Variants in RBFOX1 observed in about 807,000 individuals in gnomAD.
RBFOX1 encodes RNA binding protein fox-1 homolog 1.
Under a neutral mutation model 57.7 loss-of-function variants are expected in RBFOX1, and 8 were observed. The observed-to-expected ratio is 0.14, with a 90% CI of 0.08 to 0.25. RBFOX1 has a LOEUF of 0.25. RBFOX1 is among the 10% of genes least tolerant of loss of function. The pLI, the probability that RBFOX1 is intolerant of heterozygous loss-of-function variation, is 1.00. For missense variants in RBFOX1, 611 were observed against 548.5 expected (o/e 1.11, Z -1.14); for synonymous variants, 326 against 222.4 (o/e 1.47, Z -4.15).
At chr16:7,424,694 A>G (rs1421053311) in intron 4 of RBFOX1, among the ~76,000 whole-genome samples, 6 of 152,364 alleles carry the variant, frequency 3.9e-5, no homozygotes, top group South Asian at 4.1e-4. Flanking sequence ...GAAATGAAAG[A>G]ACCTATGGAA....
intron 1 of RBFOX1, among the ~76,000 whole-genome samples, chr16:6,299,738 G>T (rs1417114173): frequency 1.3e-5 from 2 of 152,146 alleles, no homozygotes; most frequent in Admixed American, 6.5e-5. Flanking sequence ...CGTGGACTCT[G>T]GCGTCTGCTG....
At chr16:6,385,500 C>T (rs1421212783) in intron 2 of RBFOX1, among the ~76,000 whole-genome samples, 4 of 152,232 alleles carry the variant, frequency 2.6e-5, no homozygotes, top group African/African-American at 7.2e-5. Flanking sequence ...GCTGGGATTA[C>T]AGGCATGCAC....
intron 1 of RBFOX1, among the ~76,000 whole-genome samples, chr16:5,399,593 T>A (rs1596856591): frequency 6.6e-6 from 1 of 152,158 alleles, no homozygotes; most frequent in Middle Eastern, 3.4e-3. Context: ...ATTAGCTGGA[T>A]GTGGTGGTGC....
intron 4 of RBFOX1, among the ~76,000 whole-genome samples, chr16:7,250,773 C>G (rs780734337): frequency 1.3e-5 from 2 of 152,166 alleles, no homozygotes; most frequent in Non-Finnish European, 2.9e-5. Flanking sequence ...TTATGTCATT[C>G]TACCAAAGAA....
Position 6,562,103 on chromosome 16 carries a change from G to A in RBFOX1, c.-63-92500G>A, listed in dbSNP as rs1031326345. On this transcript the variant is annotated intron_variant, in intron 2 of 15. Transcript: ENST00000550418. ...GTTCAGCTGCATTTCTACTGATGTC[G>A]GCTGCATGGGTAGAGAATTAGACTC... Among the ~76,000 whole-genome samples the A allele has an allele frequency of 5.3e-5, 8 of 152,242 alleles. No homozygotes were observed. The South Asian group carries it at 8.3e-4, about 16-fold the overall frequency.
At chr16:6,737,069 T>C (rs903648898) in intron 3 of RBFOX1, among the ~76,000 whole-genome samples, 1 of 152,186 alleles carries the variant, frequency 6.6e-6, no homozygotes, top group Non-Finnish European at 1.5e-5. Context: ...TGTCAGATAC[T>C]TCAGTGGGCA....
At chr16:7,512,467 A>C (rs2075347163) in intron 4 of RBFOX1, among the ~76,000 whole-genome samples, 1 of 152,202 alleles carries the variant, frequency 6.6e-6, no homozygotes. Flanking sequence ...TAAAGTGCAA[A>C]TGTTGGGAAT....
chr16:5,813,783 C>G lies in RBFOX1; in HGVS notation c.319-53520C>G, dbSNP rs550441564. ...TACTATTTGTTAGCTATTGAGATTT[C>G]ATTATTTGGATCCAGTCTCACTGGG... On this transcript the variant is annotated intron_variant, in intron 3 of 19. Coordinates refer to the RBFOX1 transcript ENST00000641259. Among the ~76,000 whole-genome samples the G allele has an allele frequency of 2.0e-5, 3 of 152,298 alleles. No homozygotes were observed. In the South Asian group the frequency reaches 6.2e-4, roughly 32 times the overall value.
chr16:6,202,248 C>T (rs543804653), intron 1 of RBFOX1, among the ~76,000 whole-genome samples: 93 of 152,144 alleles, frequency 6.1e-4, no homozygotes, highest in Non-Finnish European at 1.2e-3. Flanking sequence ...CTCTACTGTT[C>T]TCTTATCTCA....
At chr16:6,561,129 C>G (rs1488391443) in intron 2 of RBFOX1, among the ~76,000 whole-genome samples, 6 of 152,076 alleles carry the variant, frequency 3.9e-5, no homozygotes, top group Admixed American at 6.6e-5. Context: ...ATATTTGTAA[C>G]AAAAAGTAAT....
intron 4 of RBFOX1, among the ~76,000 whole-genome samples, chr16:7,088,643 A>G (rs2060345091): frequency 6.6e-6 from 1 of 152,152 alleles, no homozygotes; most frequent in Admixed American, 6.5e-5. Flanking sequence ...AAAAAATAGT[A>G]ATCTAGCATG....
chr16:6,496,482 C>T (rs2095771835), intron 2 of RBFOX1, among the ~76,000 whole-genome samples: 1 of 152,142 alleles, frequency 6.6e-6, no homozygotes, highest in Non-Finnish European at 1.5e-5. Flanking sequence ...TGGTCTTGCT[C>T]ATACAGAAAC....
At chr16:6,887,538 T>G (rs748037094) in intron 3 of RBFOX1, among the ~76,000 whole-genome samples, 1 of 151,454 alleles carries the variant, frequency 6.6e-6, no homozygotes, top group Non-Finnish European at 1.5e-5. Context: ...TATATCTGTT[T>G]ATAGACACAA....
chr16:6,747,444 TAGTC>T (rs1568445152), intron 3 of RBFOX1, among the ~76,000 whole-genome samples: 2 of 83,384 alleles, frequency 2.4e-5, no homozygotes, highest in African/African-American at 9.1e-5. Context: ...GTCAGTCAGT[TAGTC>T]TGTCTGTCTG....
intron 3 of RBFOX1, among the ~76,000 whole-genome samples, chr16:6,787,329 A>G (rs1437697235): frequency 1.3e-5 from 2 of 152,332 alleles, no homozygotes; most frequent in East Asian, 1.9e-4. Context: ...GTATTCATCA[A>G]TAACAGCACA....
intron 2 of RBFOX1, among the ~76,000 whole-genome samples, chr16:6,325,842 T>G (rs1218195231): frequency 6.6e-6 from 1 of 152,222 alleles, no homozygotes; most frequent in Non-Finnish European, 1.5e-5. Context: ...ATATGCCTAG[T>G]TTCTTTTGAA....
intron 3 of RBFOX1, among the ~76,000 whole-genome samples, chr16:6,830,707 G>T (rs1262527175): frequency 6.6e-6 from 1 of 152,136 alleles, no homozygotes; most frequent in Non-Finnish European, 1.5e-5. Context: ...AAGAAACGTT[G>T]CTCTATCATG....
At chr16:5,508,991 C>T (rs145489493) in intron 2 of RBFOX1, among the ~76,000 whole-genome samples, 1 of 152,294 alleles carries the variant, frequency 6.6e-6, no homozygotes, top group Non-Finnish European at 1.5e-5. Flanking sequence ...ACTCCAGGGT[C>T]CTATTGTTAA....
chr16:6,540,400 T>A (rs772202595), intron 2 of RBFOX1, among the ~76,000 whole-genome samples: 1 of 151,458 alleles, frequency 6.6e-6, no homozygotes, highest in Admixed American at 6.6e-5. Flanking sequence ...GGTTACAAGG[T>A]CAGGAGATCG....
Sources: allele counts gnomAD v4.1 joint callset (sites outside exome capture counted in the v4.1 genomes callset), GRCh38; gene constraint gnomAD v4.1.1; transcripts MANE v1.5; gene names NCBI Gene and HGNC (gene_info 2026-07-23, HGNC 2026-07-21).